The following WWTR1 variants were observed in gnomAD, a reference collection of about 807,000 sequenced individuals.
The protein encoded by WWTR1 is WW domain-containing transcription regulator protein 1.
WWTR1 carries 13 observed loss-of-function variants against 40.1 expected under a neutral mutation model. That is an observed-to-expected ratio of 0.32 (90% CI 0.21 to 0.52). WWTR1 has a LOEUF of 0.52. WWTR1 is among the 20% of genes least tolerant of loss of function. The pLI is 0.97. For missense variants in WWTR1, 436 were observed against 523.1 expected, an observed-to-expected ratio of 0.83 and a Z score of 1.63; for synonymous variants, 230 against 210.1, an observed-to-expected ratio of 1.09 and a Z score of -0.82.
chr3:149,644,990 T>C (rs749358145), intron 2 of WWTR1, among the ~76,000 whole-genome samples: 2 of 152,042 alleles, frequency 1.3e-5, no homozygotes. Flanking sequence ...GTAACTGGGA[T>C]TACAGGTACA....
intron 3 of WWTR1, among the ~76,000 whole-genome samples, chr3:149,565,850 G>A (rs1737296540): frequency 6.6e-6 from 1 of 150,968 alleles, no homozygotes; most frequent in Admixed American, 6.6e-5. Flanking sequence ...GGTGGAGGTT[G>A]TGGGGAGGTG....
intron 4 of WWTR1, among the ~76,000 whole-genome samples, chr3:149,538,763 A>C (rs1435973153): frequency 1.3e-5 from 2 of 152,206 alleles, no homozygotes; most frequent in Non-Finnish European, 2.9e-5. Flanking sequence ...CCAGTAATGA[A>C]AGTCAAAGAT....
In WWTR1 at chr3:149,657,429, CAG is replaced by C. The variant is rs1713316498; in HGVS notation, c.-3-122_-3-121del. On this transcript the variant is annotated intron_variant, in intron 1 of 6. Transcript: ENST00000360632. ...ATAGAGGGAAAAGGAAACGAGGAGA[CAG>C]ATAATTGCCCGCCTGGAGATCCCAG... 2.0e-5 allele frequency: 24 copies of C among 1,204,590 alleles called. No homozygotes were observed. In the South Asian group the frequency reaches 3.9e-4, roughly 19 times the overall value. The allele number at this position is 1,204,590 out of a possible 1,614,324, so 74.6% of individuals were successfully genotyped here. A position where few individuals can be genotyped will look rare whatever the true frequency, so the allele number is the denominator to read the frequency against.
chr3:149,601,372 AT>A (rs1024346593), intron 2 of WWTR1, among the ~76,000 whole-genome samples: 1 of 152,038 alleles, frequency 6.6e-6, no homozygotes. Context: ...TAATTATTGT[AT>A]TTTTAGTAAA....
intron 2 of WWTR1, among the ~76,000 whole-genome samples, chr3:149,655,492 A>G (rs1713157466): frequency 6.6e-6 from 1 of 152,230 alleles, no homozygotes; most frequent in African/African-American, 2.4e-5. Context: ...TCATGTTATT[A>G]CATCATATTC....
At chr3:149,561,261 T>C (rs1306533727) in intron 3 of WWTR1, among the ~76,000 whole-genome samples, 1 of 152,186 alleles carries the variant, frequency 6.6e-6, no homozygotes, top group East Asian at 1.9e-4. Flanking sequence ...AGGACTACTG[T>C]GCAGCCATTA....
At chr3:149,715,602 G>A (rs902802660) in intron 5 of WWTR1, among the ~76,000 whole-genome samples, 7 of 152,232 alleles carry the variant, frequency 4.6e-5, no homozygotes, top group African/African-American at 1.4e-4. Context: ...CTGCCAGGCC[G>A]AGTGGGCGGA....
At chr3:149,596,525 G>T (rs1576586961) in intron 2 of WWTR1, among the ~76,000 whole-genome samples, 1 of 152,136 alleles carries the variant, frequency 6.6e-6, no homozygotes, top group East Asian at 1.9e-4. Context: ...CTCAGGACAT[G>T]AGGAACTGTG....
intron 2 of WWTR1, among the ~76,000 whole-genome samples, chr3:149,640,010 A>AAGAAAGAAAG: frequency 7.1e-6 from 1 of 140,344 alleles, no homozygotes; most frequent in African/African-American, 3.1e-5. Context: ...AAAAAAAAAA[A>AAGAAAGAAAG]AAAGAAAGAA....
intron 5 of WWTR1, among the ~76,000 whole-genome samples, chr3:149,717,061 G>A (rs1715620946): frequency 6.6e-6 from 1 of 152,128 alleles, no homozygotes; most frequent in African/African-American, 2.4e-5. Context: ...CCAGCTATCT[G>A]GGGGCTGACG....
At chr3:149,673,422 A>T (rs536845407) in intron 1 of WWTR1, among the ~76,000 whole-genome samples, 4 of 152,294 alleles carry the variant, frequency 2.6e-5, no homozygotes, top group African/African-American at 9.6e-5. Context: ...ACCTCAGAAA[A>T]CATTCCATTT....
intron 2 of WWTR1, among the ~76,000 whole-genome samples, chr3:149,582,941 A>T (rs538333882): frequency 8.5e-5 from 13 of 152,206 alleles, no homozygotes; most frequent in African/African-American, 1.2e-4. Flanking sequence ...AAAAGATGAG[A>T]CGCTTTATGA....
intron 2 of WWTR1, among the ~76,000 whole-genome samples, chr3:149,597,647 T>A (rs1235313987): frequency 6.6e-6 from 1 of 151,924 alleles, no homozygotes; most frequent in African/African-American, 2.4e-5. Context: ...GTAAAAAAGA[T>A]AAACTAAAAT....
chr3:149,628,324 A>G (rs571132598), intron 2 of WWTR1, among the ~76,000 whole-genome samples: 6 of 152,116 alleles, frequency 3.9e-5, no homozygotes, highest in East Asian at 3.9e-4. Context: ...GGCCGAGATC[A>G]CGCCACTGCA....
chr3:149,705,504 A>C (rs887727568), upstream of WWTR1, among the ~76,000 whole-genome samples: 2 of 152,244 alleles, frequency 1.3e-5, no homozygotes, highest in African/African-American at 4.8e-5. Flanking sequence ...TACAAAATAA[A>C]GTGAAACAGT....
chr3:149,633,801 G>A (rs190715539), intron 2 of WWTR1, among the ~76,000 whole-genome samples: 50 of 152,300 alleles, frequency 3.3e-4, no homozygotes, highest in African/African-American at 1.1e-3. Flanking sequence ...AGCACTGCCA[G>A]GAGCTGTGGG....
At chr3:149,715,555 G>A (rs1715588109) in intron 5 of WWTR1, among the ~76,000 whole-genome samples, 1 of 152,200 alleles carries the variant, frequency 6.6e-6, no homozygotes, top group African/African-American at 2.4e-5. Flanking sequence ...TCCCTTAGAG[G>A]TGTGATCAAG....
At chr3:149,612,414 G>A (rs1739777440) in intron 2 of WWTR1, among the ~76,000 whole-genome samples, 1 of 151,682 alleles carries the variant, frequency 6.6e-6, no homozygotes, top group African/African-American at 2.4e-5. Context: ...ATATACTTTG[G>A]CAGTTGGATC....
At chr3:149,646,298 C>T (rs1712525775) in intron 2 of WWTR1, among the ~76,000 whole-genome samples, 2 of 152,176 alleles carry the variant, frequency 1.3e-5, no homozygotes, top group South Asian at 4.1e-4. Context: ...TCTGTCAAGA[C>T]CAGTATGTAG....
Sources: allele counts gnomAD v4.1 joint callset (sites outside exome capture counted in the v4.1 genomes callset), GRCh38; gene constraint gnomAD v4.1.1; transcripts MANE v1.5; gene names NCBI Gene and HGNC (gene_info 2026-07-23, HGNC 2026-07-21).